ABCC4: variants seen among roughly 807,000 people sequenced by gnomAD.
ABCC4 encodes the protein ATP-binding cassette sub-family C member 4.
Under a neutral mutation model 168.5 loss-of-function variants are expected in ABCC4, and 102 were observed. The observed-to-expected ratio is 0.61, with a 90% confidence interval of 0.52 to 0.71. ABCC4 has a LOEUF of 0.71. ABCC4 is among the 30% of genes least tolerant of loss of function. The probability of loss-of-function intolerance (pLI) is 0.00; values close to 1 mark genes in which losing one functional copy is unlikely to be tolerated. For synonymous variants in ABCC4, 617 were observed against 590.7 expected, an observed-to-expected ratio of 1.04 and a Z score of -0.65; for missense variants, 1,402 against 1,605.8, an observed-to-expected ratio of 0.87 and a Z score of 2.17.
chr13:95,194,124 C>G (rs991983107), intron 9 of ABCC4, among the ~76,000 whole-genome samples: 3 of 152,188 alleles, frequency 2.0e-5, no homozygotes, highest in Admixed American at 6.5e-5. Flanking sequence ...GGAGATGCAC[C>G]GAGCCTCAGT....
Position 95,110,305 on chromosome 13 carries a change from T to C in ABCC4, c.2535+5617A>G, listed in dbSNP as rs1479497796. Among the ~76,000 whole-genome samples, 3 of 104,010 alleles carry C rather than the reference T, an allele frequency of 2.9e-5. No individual in the cohort carries two copies. The Admixed American group carries it at 3.3e-4, about 12-fold the overall frequency. 68.2% of individuals were successfully genotyped at this position (104,010 alleles called of 152,430 possible). A position where few individuals can be genotyped will look rare whatever the true frequency, so the allele number is the denominator to read the frequency against. ...GCCTGGGTGATAGAGCAAGACTCTG[T>C]CTCAAAAAAAAAAAAAAAAAATGAG... On this transcript the variant is annotated intron_variant, in intron 20 of 30. Coordinates refer to ENST00000645237, the MANE Select transcript of ABCC4 (RefSeq NM_005845.5).
intron 4 of ABCC4, among the ~76,000 whole-genome samples, chr13:95,214,232 GA>G (rs2039047666): frequency 6.6e-6 from 1 of 152,064 alleles, no homozygotes. Context: ...GTTTACAACT[GA>G]AATCTGAAGA....
chr13:95,218,945 G>T (rs1253348507), intron 4 of ABCC4, among the ~76,000 whole-genome samples: 13 of 30,706 alleles, frequency 4.2e-4, no homozygotes, highest in African/African-American at 1.8e-4. Flanking sequence ...AAGAAAGAAA[G>T]AAAGAAAGAA....
chr13:95,206,355 G>T (rs1457541382), intron 8 of ABCC4, among the ~76,000 whole-genome samples, 177 bp downstream of exon 8: 2 of 152,170 alleles, frequency 1.3e-5, no homozygotes, highest in Non-Finnish European at 2.9e-5. Flanking sequence ...TGCTTGCATT[G>T]TCTTTACCGC....
At chr13:95,233,410 A>T (rs187434728) in intron 4 of ABCC4, among the ~76,000 whole-genome samples, 197 of 152,242 alleles carry the variant, frequency 1.3e-3, no homozygotes, top group Non-Finnish European at 1.8e-3. Flanking sequence ...AGAAAACCAA[A>T]TACCAGATGT....
chr13:95,267,355 CTT>C (rs1428521897), intron 1 of ABCC4, among the ~76,000 whole-genome samples: 1 of 152,196 alleles, frequency 6.6e-6, no homozygotes, highest in Non-Finnish European at 1.5e-5. Flanking sequence ...CACAAGTTCT[CTT>C]GTCTGCCACC....
At chr13:95,061,048 G>A (rs753922588) in intron 26 of ABCC4, among the ~76,000 whole-genome samples, 1 of 152,126 alleles carries the variant, frequency 6.6e-6, no homozygotes, top group Non-Finnish European at 1.5e-5. Flanking sequence ...TGTCTTTAGG[G>A]TATATCTGCA....
At chr13:95,093,689 C>A (rs565263784) in intron 20 of ABCC4, among the ~76,000 whole-genome samples, 1 of 152,120 alleles carries the variant, frequency 6.6e-6, no homozygotes, top group South Asian at 2.1e-4. Context: ...GAAGTCCTGG[C>A]CAGATCAATC....
intron 16 of ABCC4, among the ~76,000 whole-genome samples, chr13:95,164,040 CA>C (rs764381643): frequency 1.3e-3 from 95 of 74,722 alleles, no homozygotes; most frequent in East Asian, 2.5e-3. Context: ...AACTCCATCT[CA>C]AAAAAAAAAA....
intron 1 of ABCC4, among the ~76,000 whole-genome samples, chr13:95,250,431 C>G (rs1460430929): frequency 6.6e-6 from 1 of 152,160 alleles, no homozygotes; most frequent in Non-Finnish European, 1.5e-5. Flanking sequence ...GTGATAGATA[C>G]TCAATAAACA....
At chr13:95,078,264 T>C (rs528176716) in intron 21 of ABCC4, among the ~76,000 whole-genome samples, 1 of 152,170 alleles carries the variant, frequency 6.6e-6, no homozygotes, top group African/African-American at 2.4e-5. Context: ...ATACAAAAAT[T>C]AGCCAGGTGT....
At chr13:95,164,207 G>A (rs2037198138) in intron 16 of ABCC4, among the ~76,000 whole-genome samples, 171 bp downstream of exon 16, 1 of 151,202 alleles carries the variant, frequency 6.6e-6, no homozygotes, top group African/African-American at 2.4e-5. Flanking sequence ...CCCTTTTTTC[G>A]CAGGTCTTTG....
At chr13:95,232,944 A>G (rs2039664184) in intron 4 of ABCC4, among the ~76,000 whole-genome samples, 2 of 152,222 alleles carry the variant, frequency 1.3e-5, no homozygotes, top group African/African-American at 4.8e-5. Flanking sequence ...CTAATGGGAA[A>G]GAAAATACAG....
At chr13:95,035,916 G>T (rs2032101850) in intron 29 of ABCC4, among the ~76,000 whole-genome samples, 1 of 152,116 alleles carries the variant, frequency 6.6e-6, no homozygotes, top group South Asian at 2.1e-4. Flanking sequence ...TCCGTCCCAT[G>T]GTATTTAATC....
In ABCC4 at chr13:95,250,354, A is replaced by G. The variant is rs139736243; in HGVS notation, c.75-2601T>C. Among the ~76,000 whole-genome samples, 719 of 152,264 alleles carry G rather than the reference A, an allele frequency of 4.7e-3. 4 individuals carry two copies. The highest frequency in any genetic ancestry group is 7.7e-3 in the Non-Finnish European group (527 of 68,032). On this transcript the variant is annotated intron_variant, in intron 1 of 30. Transcript: ENST00000645237. ...TCGCTTCCCTCCTAACTGTCCTACT[A>G]GGAGTACAATGCTTTCAGGGCAATG...
chr13:95,029,988 T>TATCCAACC (rs2031791286), intron 30 of ABCC4, among the ~76,000 whole-genome samples: 2 of 146,326 alleles, frequency 1.4e-5, no homozygotes, highest in Admixed American at 1.4e-4. Flanking sequence ...CTTGTCTATC[T>TATCCAACC]ATCCATCCAT....
At chr13:95,043,060 G>T (rs1192538781) in intron 29 of ABCC4, among the ~76,000 whole-genome samples, 2 of 152,128 alleles carry the variant, frequency 1.3e-5, no homozygotes, top group Admixed American at 6.5e-5. Flanking sequence ...ATGAGCCACC[G>T]TGCCTGGCCT....
At chr13:95,074,134 AG>A in intron 23 of ABCC4, 79 bp downstream of exon 23, 1 of 1,073,146 alleles carries the variant, frequency 9.3e-7, no homozygotes, top group Non-Finnish European at 1.4e-6. Flanking sequence ...GTAGTAGACA[AG>A]GTGGCAAGAG....
chr13:95,113,441 T>C (rs963446859), intron 20 of ABCC4, among the ~76,000 whole-genome samples: 1 of 152,186 alleles, frequency 6.6e-6, no homozygotes, highest in African/African-American at 2.4e-5. Context: ...TGTATTTGAT[T>C]TGGAAAATTA....
Sources: allele counts gnomAD v4.1 joint callset (sites outside exome capture counted in the v4.1 genomes callset), GRCh38; gene constraint gnomAD v4.1.1; transcripts MANE v1.5; gene names NCBI Gene and HGNC (gene_info 2026-07-23, HGNC 2026-07-21).